Variants in MTHFD1 observed in about 807,000 individuals in gnomAD.
MTHFD1 encodes the protein C-1-tetrahydrofolate synthase, cytoplasmic.
In MTHFD1, 44 loss-of-function variants were observed where a neutral mutation model predicts 110.3. The ratio of observed to expected loss-of-function variants is 0.40; its 90% confidence interval spans 0.31 to 0.51. The LOEUF (loss-of-function observed/expected upper bound fraction) is 0.51. MTHFD1 is among the 20% of genes least tolerant of loss of function. The pLI, the probability that MTHFD1 is intolerant of heterozygous loss-of-function variation, is 0.60. For missense variants in MTHFD1, 909 were observed against 1,173.1 expected (o/e 0.77, Z 3.29); for synonymous variants, 402 against 428.8 (o/e 0.94, Z 0.77).
At chr14:64,404,352 C>T (rs1022620115) in intron 2 of MTHFD1, among the ~76,000 whole-genome samples, 1 of 152,186 alleles carries the variant, frequency 6.6e-6, no homozygotes, top group Admixed American at 6.5e-5. Context: ...GATCTCTTCC[C>T]CATCTTATTC....
intron 8 of MTHFD1, among the ~76,000 whole-genome samples, chr14:64,421,150 A>G (rs976784878): frequency 6.6e-6 from 1 of 151,976 alleles, no homozygotes; most frequent in African/African-American, 2.4e-5. Context: ...TTATCAAGGG[A>G]TGATCTTTCC....
intron 17 of MTHFD1, 84 bp downstream of exon 17, chr14:64,439,256 G>T: frequency 1.0e-6 from 1 of 992,492 alleles, no homozygotes; most frequent in South Asian, 1.3e-5. Flanking sequence ...TCTCTCATAC[G>T]ACTGATACTG....
In MTHFD1 at chr14:64,454,905, C is replaced by A. The variant is rs771924204; in HGVS notation, c.2718+30C>A. On this transcript the variant is annotated intron_variant, in intron 26 of 27. Coordinates refer to ENST00000652337, the MANE Select transcript of MTHFD1 (RefSeq NM_005956.4). ...GTGCATGCTGCAAGGGAGTAGTGGGCGCATCTGCACTTCTCGTCTGAAGTG... is the reference window on the plus strand; with the variant it reads ...GTGCATGCTGCAAGGGAGTAGTGGGAGCATCTGCACTTCTCGTCTGAAGTG... The A allele has an allele frequency of 2.5e-6, 4 of 1,610,672 alleles. No homozygotes were observed. The East Asian group carries it at 6.7e-5, about 27-fold the overall frequency.
intron 9 of MTHFD1, among the ~76,000 whole-genome samples, chr14:64,425,512 G>A (rs1444715524): frequency 6.6e-6 from 1 of 152,076 alleles, no homozygotes; most frequent in Non-Finnish European, 1.5e-5. Context: ...TGCCCGGCCT[G>A]TTTTCCCTTT....
At chr14:64,457,752 G>C (rs192248870) in intron 26 of MTHFD1, among the ~76,000 whole-genome samples, 1 of 152,078 alleles carries the variant, frequency 6.6e-6, no homozygotes, top group African/African-American at 2.4e-5. Flanking sequence ...CACCACGCCC[G>C]GCAGGGATCA....
At chr14:64,419,975 C>A (rs2078055913) in intron 8 of MTHFD1, 50 bp downstream of exon 8, 2 of 1,282,940 alleles carry the variant, frequency 1.6e-6, no homozygotes, top group South Asian at 1.2e-5. Context: ...AGGATGGTAT[C>A]TAGGTCATCA....
At chr14:64,425,050 GA>G in intron 9 of MTHFD1, 119 bp downstream of exon 9, 1 of 1,260,558 alleles carries the variant, frequency 7.9e-7, no homozygotes. Context: ...AATTTATTGA[GA>G]AAAAGGGAAG....
At chr14:64,456,868 T>C (rs919667871) in intron 26 of MTHFD1, among the ~76,000 whole-genome samples, 3 of 152,262 alleles carry the variant, frequency 2.0e-5, no homozygotes, top group Admixed American at 2.0e-4. Context: ...ATAACCTTTT[T>C]ATAGTTAAGT....
At chr14:64,457,604 C>T (rs138178398) in intron 26 of MTHFD1, among the ~76,000 whole-genome samples, 5,225 of 151,828 alleles carry the variant, frequency 0.034, 260 homozygotes, top group African/African-American at 0.12. Flanking sequence ...TACAGGCACA[C>T]GCCACCATGC....
chr14:64,400,395 A>G (rs189637051), intron 1 of MTHFD1, among the ~76,000 whole-genome samples: 6 of 151,720 alleles, frequency 4.0e-5, no homozygotes, highest in Non-Finnish European at 8.8e-5. Context: ...TCTCAAAAAA[A>G]AAGAGAAATA....
intron 27 of MTHFD1, among the ~76,000 whole-genome samples, chr14:64,459,099 A>G (rs765859603): frequency 3.3e-5 from 5 of 152,226 alleles, no homozygotes; most frequent in Non-Finnish European, 5.9e-5. Context: ...GTCACAGGGA[A>G]GATGACTTTC....
At chr14:64,425,413 G>A (rs1303779927) in intron 9 of MTHFD1, among the ~76,000 whole-genome samples, 1 of 151,992 alleles carries the variant, frequency 6.6e-6, no homozygotes, top group African/African-American at 2.4e-5. Context: ...GTTTCTCCAC[G>A]TTGGTTAGGC....
Position 64,415,627 on chromosome 14 carries a change from C to A in MTHFD1, c.378-12C>A. On this transcript the variant is annotated splice_polypyrimidine_tract_variant and intron_variant, in intron 5 of 27. Transcript: ENST00000652337. ...GCCTTTATTTCCTTCTTATTTCCAT[C>A]ACTTTTTTAAGATTGACTAGCATCA... The A allele has an allele frequency of 6.2e-7, 1 of 1,612,858 alleles. No homozygotes were observed. Among genetic ancestry groups the A allele is most frequent in the Non-Finnish European group, 8.5e-7 (1 of 1,178,886 alleles).
intron 18 of MTHFD1, 42 bp downstream of exon 18, chr14:64,440,308 CTG>C (rs1459804273): frequency 6.2e-7 from 1 of 1,613,338 alleles, no homozygotes; most frequent in South Asian, 1.1e-5. Context: ...ATATCTGTGT[CTG>C]TTGTCCTAGG....
chr14:64,402,275 C>A (rs2077903574), intron 2 of MTHFD1, among the ~76,000 whole-genome samples: 1 of 152,186 alleles, frequency 6.6e-6, no homozygotes, highest in Admixed American at 6.5e-5. Context: ...TTATGCAGAT[C>A]TTCCAAATGT....
At position 64,412,543 on chromosome 14, in the gene MTHFD1, G is replaced by A. The variant is rs1471477587; in HGVS notation, c.240+18G>A. 1.2e-6 allele frequency: 2 copies of A among 1,602,282 alleles called. No homozygotes were observed. Among genetic ancestry groups the A allele is most frequent in the Non-Finnish European group, 1.7e-6 (2 of 1,169,702 alleles). Reference sequence around the variant, plus strand: ...AATCTGAGGTGAGCTTTTATGAGTTGATTGTGAAGAGGGAAGGTGAAGTGG... The same window carrying A: ...AATCTGAGGTGAGCTTTTATGAGTTAATTGTGAAGAGGGAAGGTGAAGTGG... On this transcript the variant is annotated intron_variant, in intron 4 of 27. Transcript: ENST00000652337.
In MTHFD1 at chr14:64,448,239, G is replaced by C. The variant is rs746915966; in HGVS notation, c.2201G>C (p.Gly734Ala). ...IQENLELVEK[G>A]FSNLKKQIEN... ...CAGAACCTGGAGCTGGTTGAAAAAG[G>C]CTTCAGTAACTTGAAGAAACAAATT... The change falls in exon 23 of 28, where the codon GGC (glycine) becomes GCC (alanine). Residue 734 changes from glycine (G) to alanine (A), a missense_variant. Transcript: ENST00000652337. 42 of 1,613,886 alleles carry C rather than the reference G, an allele frequency of 2.6e-5. No homozygotes were observed. The highest frequency in any genetic ancestry group is 5.3e-5 in the African/African-American group (4 of 74,874).
rs1031156925 is a variant in MTHFD1, at chr14:64,411,287, A to G, written c.186+138A>G. On this transcript the variant is annotated intron_variant, in intron 3 of 27. Transcript: ENST00000652337. ...CATTAGTTTATCTATTTTGTAAGTC[A>G]GAAATGGGTGGGTTAGATCTGTGGC... is the stretch of plus-strand genomic sequence containing the variant. The G allele has an allele frequency of 7.0e-6, 5 of 714,576 alleles. No individual in the cohort carries two copies. The Admixed American group carries it at 8.1e-5, about 12-fold the overall frequency. The allele number at this position is 714,576 out of a possible 1,614,324, so 44.3% of individuals were successfully genotyped here. A position where few individuals can be genotyped will look rare whatever the true frequency, so the allele number is the denominator to read the frequency against.
At chr14:64,411,988 G>A (rs2077988981) in intron 3 of MTHFD1, among the ~76,000 whole-genome samples, 1 of 152,096 alleles carries the variant, frequency 6.6e-6, no homozygotes. Context: ...GACAGAATTG[G>A]GCAGGGGAAA....
Sources: gnomAD v4.1 joint callset for allele counts (sites outside exome capture counted in the v4.1 genomes callset) on GRCh38, gnomAD v4.1.1 for gene constraint, MANE v1.5 for transcripts, NCBI Gene and HGNC (gene_info 2026-07-23, HGNC 2026-07-21) for gene names.